The following RHOBTB1 variants were observed in gnomAD, a reference collection of about 807,000 sequenced individuals.
The protein encoded by RHOBTB1 is rho-related BTB domain-containing protein 1.
A neutral mutation model predicts 71.6 loss-of-function variants in RHOBTB1; 40 were observed. The observed-to-expected ratio is 0.56, with a 90% CI of 0.43 to 0.73. RHOBTB1 has a LOEUF of 0.73. Among genes scored for constraint, RHOBTB1 ranks in the 30% least tolerant of loss-of-function variants. The pLI, the probability that RHOBTB1 is intolerant of heterozygous loss-of-function variation, is 0.00. For synonymous variants in RHOBTB1, 319 were observed against 334.9 expected (o/e 0.95, Z 0.52); for missense variants, 797 against 894.0 (o/e 0.89, Z 1.38).
chr10:60,991,616 A>G (rs2086872159), intron 1 of RHOBTB1, among the ~76,000 whole-genome samples: 1 of 151,984 alleles, frequency 6.6e-6, no homozygotes, highest in Non-Finnish European at 1.5e-5. Flanking sequence ...TTTTTTTAGT[A>G]GAGACGGGGT....
intron 4 of RHOBTB1, among the ~76,000 whole-genome samples, chr10:60,907,877 G>A (rs1033426306): frequency 3.9e-5 from 6 of 152,168 alleles, no homozygotes; most frequent in Middle Eastern, 3.2e-3. Flanking sequence ...AGACTCACTT[G>A]TTGGGCAAAT....
intron 4 of RHOBTB1, among the ~76,000 whole-genome samples, chr10:60,906,618 G>T (rs78489194): frequency 0.015 from 2,242 of 152,244 alleles, 63 homozygotes; most frequent in African/African-American, 0.051. Context: ...CGTGAAATGA[G>T]CCTATTTTGC....
intron 2 of RHOBTB1, among the ~76,000 whole-genome samples, chr10:60,940,720 T>C (rs998652728): frequency 3.9e-5 from 6 of 152,156 alleles, no homozygotes; most frequent in Non-Finnish European, 7.4e-5. Flanking sequence ...TTCTGTCCTT[T>C]CCCAAACTCT....
At chr10:60,943,592 C>T (rs987779069) in intron 1 of RHOBTB1, among the ~76,000 whole-genome samples, 1 of 152,226 alleles carries the variant, frequency 6.6e-6, no homozygotes, top group Admixed American at 6.5e-5. Flanking sequence ...GTCCTCCGGT[C>T]CCCGCCCGGC....
chr10:60,907,449 AT>A (rs1260090727), intron 4 of RHOBTB1, among the ~76,000 whole-genome samples: 1 of 152,186 alleles, frequency 6.6e-6, no homozygotes, highest in East Asian at 1.9e-4. Flanking sequence ...TGTTCCTGAC[AT>A]TTTAAAAGAT....
chr10:60,911,789 C>T (rs574495082), intron 2 of RHOBTB1, among the ~76,000 whole-genome samples: 2 of 152,278 alleles, frequency 1.3e-5, no homozygotes, highest in South Asian at 2.1e-4. Context: ...AGTTTATTCC[C>T]GTTAACTGTT....
At chr10:60,983,862 C>T (rs1267119362) in intron 2 of RHOBTB1, among the ~76,000 whole-genome samples, 2 of 152,216 alleles carry the variant, frequency 1.3e-5, no homozygotes, top group Non-Finnish European at 2.9e-5. Flanking sequence ...TGTCCCTCTA[C>T]TTCTTCCATC....
chr10:60,907,770 G>A (rs900598918), intron 4 of RHOBTB1, among the ~76,000 whole-genome samples: 1 of 152,250 alleles, frequency 6.6e-6, no homozygotes, highest in South Asian at 2.1e-4. Flanking sequence ...TAGAAATCCA[G>A]CTCACCAATG....
intron 7 of RHOBTB1, among the ~76,000 whole-genome samples, chr10:60,885,565 T>C (rs2081531016): frequency 6.6e-6 from 1 of 152,150 alleles, no homozygotes; most frequent in Non-Finnish European, 1.5e-5. Flanking sequence ...TAGACAGTAT[T>C]GTAGCACATG....
intron 2 of RHOBTB1, among the ~76,000 whole-genome samples, chr10:60,969,765 T>C (rs2086090984): frequency 1.3e-5 from 2 of 152,192 alleles, no homozygotes; most frequent in Non-Finnish European, 2.9e-5. Context: ...TAGAGTTGTT[T>C]ACTAGGCATT....
chr10:60,990,597 C>T (rs1314976025), intron 1 of RHOBTB1, among the ~76,000 whole-genome samples: 2 of 152,174 alleles, frequency 1.3e-5, no homozygotes, highest in African/African-American at 2.4e-5. Flanking sequence ...ACTCAGCTGA[C>T]CACTGCTACT....
chr10:60,995,203 G>A (rs1290159123), intron 1 of RHOBTB1, among the ~76,000 whole-genome samples: 1 of 152,072 alleles, frequency 6.6e-6, no homozygotes, highest in Non-Finnish European at 1.5e-5. Flanking sequence ...TTCCATGCTG[G>A]GAAATTCTTA....
chr10:60,927,703 A>C (rs2083969676), intron 2 of RHOBTB1, among the ~76,000 whole-genome samples: 1 of 152,220 alleles, frequency 6.6e-6, no homozygotes, highest in Non-Finnish European at 1.5e-5. Flanking sequence ...TGCTGTATAC[A>C]AAAATTAAAT....
intron 7 of RHOBTB1, among the ~76,000 whole-genome samples, chr10:60,883,784 C>T (rs2081438964): frequency 6.6e-6 from 1 of 152,188 alleles, no homozygotes; most frequent in Non-Finnish European, 1.5e-5. Context: ...ATGACTCTTA[C>T]ACCCCACAAC....
intron 2 of RHOBTB1, among the ~76,000 whole-genome samples, chr10:60,970,833 G>C (rs2086128846): frequency 6.6e-6 from 1 of 151,928 alleles, no homozygotes; most frequent in Non-Finnish European, 1.5e-5. Context: ...CTAAACTGCA[G>C]TTGGACCAAA....
intron 2 of RHOBTB1, among the ~76,000 whole-genome samples, chr10:60,979,883 A>G (rs2086435817): frequency 6.6e-6 from 1 of 152,186 alleles, no homozygotes; most frequent in Admixed American, 6.5e-5. Flanking sequence ...GTGACTGAAG[A>G]AAAGTGTCCC....
the RHOBTB1 span, among the ~76,000 whole-genome samples, chr10:60,861,281 T>G: frequency 6.6e-6 from 1 of 152,190 alleles, no homozygotes; most frequent in Admixed American, 6.5e-5. Flanking sequence ...TAGAACTTCA[T>G]TTGCATCATC....
intron 2 of RHOBTB1, among the ~76,000 whole-genome samples, chr10:60,961,239 C>T (rs76485641): frequency 1.9e-3 from 296 of 152,222 alleles, no homozygotes; most frequent in Non-Finnish European, 3.6e-3. Context: ...ATATAGGAAA[C>T]CTTGTATTCA....
the RHOBTB1 span, among the ~76,000 whole-genome samples, chr10:60,862,075 C>T: frequency 2.0e-5 from 3 of 152,054 alleles, no homozygotes; most frequent in Admixed American, 6.5e-5. Flanking sequence ...TTCCTCCCTT[C>T]GTTCCATCCT....
Sources: allele counts gnomAD v4.1 joint callset (sites outside exome capture counted in the v4.1 genomes callset), GRCh38; gene constraint gnomAD v4.1.1; transcripts MANE v1.5; gene names NCBI Gene and HGNC (gene_info 2026-07-23, HGNC 2026-07-21).